Variants in CTNNA3 observed in about 807,000 individuals in gnomAD.
CTNNA3 encodes catenin alpha 3.
CTNNA3 carries 76 observed loss-of-function variants against 95.7 expected under a neutral mutation model. That is an observed-to-expected ratio of 0.79 (90% CI 0.66 to 0.96). The LOEUF is 0.96. CTNNA3 is among the 40% of genes least tolerant of loss of function. The pLI is 0.00. For missense variants in CTNNA3, 1,191 were observed against 1,089.8 expected, an observed-to-expected ratio of 1.09 and a Z score of -1.31; for synonymous variants, 431 against 374.4, an observed-to-expected ratio of 1.15 and a Z score of -1.74.
chr10:65,957,140 T>C (rs2077747930), intron 17 of CTNNA3, among the ~76,000 whole-genome samples: 1 of 152,208 alleles, frequency 6.6e-6, no homozygotes, highest in African/African-American at 2.4e-5. Flanking sequence ...TACCATTATG[T>C]AATGGCCTTC....
chr10:66,964,420 A>T (rs1395483353), intron 7 of CTNNA3, among the ~76,000 whole-genome samples: 1 of 152,150 alleles, frequency 6.6e-6, no homozygotes, highest in Non-Finnish European at 1.5e-5. Context: ...CTGGCACAAA[A>T]GTACTGTCTT....
At chr10:66,934,493 A>T (rs1053625616) in intron 7 of CTNNA3, among the ~76,000 whole-genome samples, 2 of 152,196 alleles carry the variant, frequency 1.3e-5, no homozygotes, top group African/African-American at 4.8e-5. Context: ...CATAAAACAA[A>T]TTTAAAGCTG....
chr10:67,738,000 G>T (rs139971430), intron 1 of CTNNA3, among the ~76,000 whole-genome samples: 2,026 of 152,322 alleles, frequency 0.013, 46 homozygotes, highest in African/African-American at 0.046. Flanking sequence ...CCAGAAGTAG[G>T]AGCAGGCTGC....
chr10:65,999,109 T>C (rs1416079401), intron 15 of CTNNA3, among the ~76,000 whole-genome samples: 2 of 152,186 alleles, frequency 1.3e-5, no homozygotes, highest in Admixed American at 1.3e-4. Context: ...TTAATCATTA[T>C]AATATTTGAG....
chr10:67,371,864 A>G (rs1843478450), intron 5 of CTNNA3, among the ~76,000 whole-genome samples: 1 of 152,116 alleles, frequency 6.6e-6, no homozygotes, highest in Non-Finnish European at 1.5e-5. Context: ...AAGTGTTCCT[A>G]TTTCTCCACA....
rs534490636 is a variant in CTNNA3, at chr10:66,029,399, CA to C, written c.2159+39908del. 9.1e-3 allele frequency among the ~76,000 whole-genome samples: 1,378 copies of C among 152,188 alleles called. 12 individuals are homozygous for C. The highest frequency in any genetic ancestry group is 0.013 in the Non-Finnish European group (886 of 68,014). On this transcript the variant is annotated intron_variant, in intron 15 of 17. Transcript: ENST00000433211. Reference sequence around the variant, plus strand: ...TTAACACTTTCACCTTTGCTTACTCCAGTCTCAAAGATCAGGTACACTTCCC... The same window carrying C: ...TTAACACTTTCACCTTTGCTTACTCCGTCTCAAAGATCAGGTACACTTCCC...
intron 7 of CTNNA3, among the ~76,000 whole-genome samples, chr10:67,056,590 T>A (rs1468524195): frequency 6.6e-6 from 1 of 152,144 alleles, no homozygotes; most frequent in African/African-American, 2.4e-5. Context: ...ACAAACTTTC[T>A]AAAATATCCA....
chr10:66,467,062 A>C (rs746399651), intron 11 of CTNNA3, among the ~76,000 whole-genome samples: 1 of 152,090 alleles, frequency 6.6e-6, no homozygotes, highest in Non-Finnish European at 1.5e-5. Flanking sequence ...TTACTAACTG[A>C]AGAAATAAAT....
chr10:67,030,724 G>A (rs1003848178), intron 7 of CTNNA3, among the ~76,000 whole-genome samples: 3 of 152,078 alleles, frequency 2.0e-5, no homozygotes, highest in South Asian at 4.1e-4. Context: ...GAAAAGTACC[G>A]GTCAGATGCG....
rs373629105 is a variant in CTNNA3 at position 67,519,035 on chromosome 10, A to C, written c.579+2807T>G. 2.6e-5 allele frequency among the ~76,000 whole-genome samples: 4 copies of C among 152,258 alleles called. No individual in the cohort carries two copies. In the East Asian group the frequency reaches 7.7e-4, roughly 29 times the overall value. On this transcript the variant is annotated intron_variant, in intron 5 of 17. Transcript: ENST00000433211. ...CACCTTTTCCAATCAAAGCTATTTC[A>C]ACATTAGTCTTTTTGAAAGTAGGAA...
At chr10:67,707,145 T>C (rs952148931) in intron 1 of CTNNA3, among the ~76,000 whole-genome samples, 1 of 152,210 alleles carries the variant, frequency 6.6e-6, no homozygotes, top group Non-Finnish European at 1.5e-5. Flanking sequence ...CCAACATTGG[T>C]AGCCATTCTC....
chr10:66,072,752 A>T (rs891400602), intron 14 of CTNNA3, among the ~76,000 whole-genome samples: 1 of 151,854 alleles, frequency 6.6e-6, no homozygotes, highest in Non-Finnish European at 1.5e-5. Context: ...ATCTCCCCTT[A>T]TCTGCCAAAC....
chr10:66,774,370 C>G (rs1204871576), intron 8 of CTNNA3, among the ~76,000 whole-genome samples: 1 of 152,138 alleles, frequency 6.6e-6, no homozygotes, highest in African/African-American at 2.4e-5. Context: ...AGGCAGGTCA[C>G]CTCACCACAC....
intron 8 of CTNNA3, 67 bp from the exon 9 acceptor site, chr10:66,766,483 A>G: frequency 7.2e-7 from 1 of 1,397,868 alleles, no homozygotes; most frequent in Non-Finnish European, 9.8e-7. Context: ...TCCTTTTCTT[A>G]CAATCTCAGT....
chr10:67,147,815 T>G (rs1387472730), intron 7 of CTNNA3, among the ~76,000 whole-genome samples: 1 of 152,212 alleles, frequency 6.6e-6, no homozygotes, highest in Non-Finnish European at 1.5e-5. Flanking sequence ...TAAACATTAC[T>G]TTCATAGCAG....
intron 14 of CTNNA3, among the ~76,000 whole-genome samples, chr10:66,097,058 G>A (rs548860791): frequency 6.6e-6 from 1 of 152,234 alleles, no homozygotes; most frequent in Non-Finnish European, 1.5e-5. Flanking sequence ...TTCAGTTCTA[G>A]CTTACTTTTG....
chr10:66,824,390 G>T (rs1484422757), intron 7 of CTNNA3, among the ~76,000 whole-genome samples: 1 of 152,126 alleles, frequency 6.6e-6, no homozygotes, highest in Non-Finnish European at 1.5e-5. Context: ...CTGAATGATG[G>T]CTATCTCAGA....
intron 5 of CTNNA3, among the ~76,000 whole-genome samples, chr10:67,221,591 TTA>T (rs1268376280): frequency 6.6e-6 from 1 of 152,192 alleles, no homozygotes; most frequent in African/African-American, 2.4e-5. Context: ...TTTTCTTTTT[TTA>T]TGACAGAGTC....
chr10:67,168,790 G>T (rs533971821), intron 7 of CTNNA3, among the ~76,000 whole-genome samples: 1 of 152,228 alleles, frequency 6.6e-6, no homozygotes, highest in South Asian at 2.1e-4. Context: ...AAGCAATCAC[G>T]CAAGAGAAAG....
Sources: allele counts gnomAD v4.1 joint callset (sites outside exome capture counted in the v4.1 genomes callset), GRCh38; gene constraint gnomAD v4.1.1; transcripts MANE v1.5; gene names NCBI Gene and HGNC (gene_info 2026-07-23, HGNC 2026-07-21).